IPO7: variants seen among roughly 807,000 people sequenced by gnomAD.
IPO7 encodes importin-7.
A neutral mutation model predicts 136.4 loss-of-function variants in IPO7; 13 were observed. The observed-to-expected ratio is 0.10, with a 90% confidence interval of 0.06 to 0.15. IPO7 has a LOEUF of 0.15. Among genes scored for constraint, IPO7 ranks in the 10% least tolerant of loss-of-function variants. The pLI is 1.00. For missense variants in IPO7, 857 were observed against 1,240.6 expected (o/e 0.69, Z 4.65); for synonymous variants, 403 against 404.4 (o/e 1.00, Z 0.04).
rs1043154807 is a variant in IPO7 at position 9,403,047 on chromosome 11, G to T, written c.85-243G>T. On this transcript the variant is annotated intron_variant, in intron 1 of 24. Transcript: ENST00000379719. ...AAAAATTAAAGAAAAAAGAATGCTA[G>T]TTGGGATAAATGGGAAGTGCAGTGC... The T allele has an allele frequency of 1.9e-5, 8 of 426,362 alleles. No homozygotes were observed. The East Asian group carries it at 3.5e-4, about 18-fold the overall frequency. 26.4% of individuals were successfully genotyped at this position (426,362 alleles called of 1,614,324 possible). A position where few individuals can be genotyped will look rare whatever the true frequency, so the allele number is the denominator to read the frequency against.
chr11:9,397,779 A>G (rs574047955), intron 1 of IPO7, among the ~76,000 whole-genome samples: 1 of 152,288 alleles, frequency 6.6e-6, no homozygotes, highest in East Asian at 1.9e-4. Flanking sequence ...AGTCTACTGA[A>G]TATGGATATA....
At chr11:9,390,004 C>T (rs1256337730) in intron 1 of IPO7, among the ~76,000 whole-genome samples, 2 of 152,160 alleles carry the variant, frequency 1.3e-5, no homozygotes, top group Non-Finnish European at 2.9e-5. Context: ...TGATTGCCCA[C>T]CTCAGCCTCC....
chr11:9,435,504 T>C (rs770436632), intron 19 of IPO7, among the ~76,000 whole-genome samples: 2 of 152,194 alleles, frequency 1.3e-5, no homozygotes, highest in Admixed American at 1.3e-4. Context: ...TTTCTAGCAA[T>C]GTCTGTTGTA....
intron 24 of IPO7, among the ~76,000 whole-genome samples, chr11:9,443,206 A>G (rs1855482027): frequency 6.6e-6 from 1 of 151,908 alleles, no homozygotes; most frequent in Admixed American, 6.6e-5. Context: ...TCTGTCTCAA[A>G]AAAACAAAAA....
chr11:9,414,179 A>G (rs770134648), intron 4 of IPO7, 76 bp from the exon 5 acceptor site: 3 of 1,058,200 alleles, frequency 2.8e-6, no homozygotes, highest in Non-Finnish European at 2.6e-6. Flanking sequence ...ATTTGTGTAA[A>G]TAAATGCATA....
At chr11:9,437,727 A>G in intron 20 of IPO7, 27 bp from the exon 21 acceptor site, 1 of 1,492,950 alleles carries the variant, frequency 6.7e-7, no homozygotes, top group Non-Finnish European at 9.3e-7. Context: ...TTATAGTCTT[A>G]GAATATCTTG....
Position 9,447,684 on chromosome 11 carries a change from G to A in IPO7, c.*2490G>A, listed in dbSNP as rs1428486572. On this transcript the variant is annotated 3_prime_UTR_variant, in exon 25 of 25. Coordinates refer to ENST00000379719, the MANE Select transcript of IPO7 (RefSeq NM_006391.3). The stretch of plus-strand genomic sequence containing the variant: ...GTAGAAGTTAATTCTGATTTTGTGT[G>A]GATTTCAGTATTTGTCTTTGTTAAT... 6.6e-6 allele frequency: 1 copy of A among 151,564 alleles called. No individual in the cohort carries two copies. The highest frequency in any genetic ancestry group is 1.5e-5 in the Non-Finnish European group (1 of 67,890). The allele number at this position is 151,564 out of a possible 1,614,324, so 9.4% of individuals were successfully genotyped here. A position where few individuals can be genotyped will look rare whatever the true frequency, so the allele number is the denominator to read the frequency against.
At chr11:9,425,023 G>A (rs745738129) in intron 11 of IPO7, 33 bp downstream of exon 11, 4 of 1,421,636 alleles carry the variant, frequency 2.8e-6, no homozygotes, top group Non-Finnish European at 2.9e-6. Flanking sequence ...TAACTTTTCT[G>A]TATTATTTAA....
At position 9,446,725 on chromosome 11, in the gene IPO7, A is replaced by G. The variant is rs879528420; in HGVS notation, c.*1531A>G. The G allele has an allele frequency of 2.0e-5, 3 of 152,228 alleles. No individual in the cohort carries two copies. Among genetic ancestry groups the G allele is most frequent in the Non-Finnish European group, 4.4e-5 (3 of 68,036 alleles). The allele number at this position is 152,228 out of a possible 1,614,324, so 9.4% of individuals were successfully genotyped here. On this transcript the variant is annotated 3_prime_UTR_variant, in exon 25 of 25. Coordinates refer to ENST00000379719, the MANE Select transcript of IPO7 (RefSeq NM_006391.3). The stretch of plus-strand genomic sequence containing the variant: ...ACTGTAAAAACAAATGCACATATTG[A>G]TATTTAAAATGCGTAATTAAGAAAA...
chr11:9,385,836 T>G (rs1482616109), intron 1 of IPO7, among the ~76,000 whole-genome samples: 2 of 152,228 alleles, frequency 1.3e-5, no homozygotes, highest in Admixed American at 6.5e-5. Flanking sequence ...AACTTTTGCA[T>G]TTTTACGTAT....
intron 10 of IPO7, 67 bp from the exon 11 acceptor site, chr11:9,424,847 G>A (rs1855181712): frequency 3.0e-6 from 3 of 999,586 alleles, no homozygotes; most frequent in African/African-American, 1.6e-5. Flanking sequence ...TAAAGATTAA[G>A]CATGTTTTTT....
intron 1 of IPO7, 94 bp from the exon 2 acceptor site, chr11:9,403,196 G>A: frequency 1.2e-6 from 1 of 819,362 alleles, no homozygotes; most frequent in Non-Finnish European, 2.1e-6. Flanking sequence ...TTTTGTGCAA[G>A]CCAAGCAATG....
At chr11:9,409,756 G>A (rs889592362) in intron 3 of IPO7, among the ~76,000 whole-genome samples, 172 bp from the exon 4 acceptor site, 2 of 152,138 alleles carry the variant, frequency 1.3e-5, no homozygotes, top group African/African-American at 2.4e-5. Context: ...AACATTTGCT[G>A]GTTTTCGTTT....
chr11:9,415,389 C>T (rs1019255318), intron 5 of IPO7, among the ~76,000 whole-genome samples: 1 of 151,986 alleles, frequency 6.6e-6, no homozygotes, highest in East Asian at 1.9e-4. Context: ...CTAACACATA[C>T]TTGATATGCA....
intron 15 of IPO7, 95 bp from the exon 16 acceptor site, chr11:9,430,780 T>A (rs1251549194): frequency 1.1e-6 from 1 of 920,228 alleles, no homozygotes; most frequent in Non-Finnish European, 1.7e-6. Context: ...TGTTGTGGTA[T>A]CCCAATGAGA....
intron 5 of IPO7, among the ~76,000 whole-genome samples, chr11:9,415,164 C>G (rs939721187): frequency 1.3e-5 from 2 of 150,998 alleles, no homozygotes; most frequent in African/African-American, 4.9e-5. Flanking sequence ...ATTAAAAATA[C>G]AAAAAAAATT....
chr11:9,408,682 T>G, intron 3 of IPO7, 43 bp downstream of exon 3: 2 of 1,321,222 alleles, frequency 1.5e-6, no homozygotes, highest in Non-Finnish European at 2.0e-6. Context: ...GGTGTGTAAC[T>G]TTCAGGGTTT....
chr11:9,407,892 T>A (rs886861251), intron 2 of IPO7, among the ~76,000 whole-genome samples: 1 of 152,216 alleles, frequency 6.6e-6, no homozygotes. Flanking sequence ...TGTTAACTTT[T>A]GTCAAATAGC....
chr11:9,418,377 A>C (rs939425912), intron 6 of IPO7, among the ~76,000 whole-genome samples: 1 of 152,088 alleles, frequency 6.6e-6, no homozygotes, highest in Non-Finnish European at 1.5e-5. Context: ...CCTATTTTAC[A>C]GTGTGTTTTA....
Sources: gnomAD v4.1 joint callset for allele counts (sites outside exome capture counted in the v4.1 genomes callset) on GRCh38, gnomAD v4.1.1 for gene constraint, MANE v1.5 for transcripts, NCBI Gene and HGNC (gene_info 2026-07-23, HGNC 2026-07-21) for gene names.